The following EBF3 variants were observed in gnomAD, a reference collection of about 807,000 sequenced individuals.
The protein encoded by EBF3 is transcription factor COE3.
In EBF3, 18 loss-of-function variants were observed where a neutral mutation model predicts 77.1. The ratio of observed to expected loss-of-function variants is 0.23; its 90% confidence interval spans 0.16 to 0.35. The LOEUF is 0.35. EBF3 is among the 10% of genes least tolerant of loss of function. EBF3 has a pLI of 1.00. For missense variants in EBF3, 558 were observed against 860.0 expected, an observed-to-expected ratio of 0.65 and a Z score of 4.39; for synonymous variants, 350 against 343.5, an observed-to-expected ratio of 1.02 and a Z score of -0.21.
chr10:129,840,196 A>G, intron 15 of EBF3, 49 bp downstream of exon 15: 1 of 943,200 alleles, frequency 1.1e-6, no homozygotes, highest in Non-Finnish European at 1.6e-6. Flanking sequence ...TCCCATCCCC[A>G]CCCCTGGAGA....
intron 10 of EBF3, among the ~76,000 whole-genome samples, chr10:129,856,826 A>G (rs1301075535): frequency 6.6e-6 from 1 of 152,254 alleles, no homozygotes; most frequent in East Asian, 1.9e-4. Context: ...GAATTCTGTA[A>G]TATGTGAATT....
chr10:129,844,954 G>A (rs1053781490), intron 11 of EBF3, among the ~76,000 whole-genome samples: 3 of 152,106 alleles, frequency 2.0e-5, no homozygotes, highest in Non-Finnish European at 4.4e-5. Flanking sequence ...TTTAAGCAAC[G>A]ATTAAAGCAA....
intron 6 of EBF3, among the ~76,000 whole-genome samples, chr10:129,922,706 C>A (rs1055365718): frequency 1.3e-5 from 2 of 152,248 alleles, no homozygotes; most frequent in African/African-American, 4.8e-5. Flanking sequence ...CAAACGAACC[C>A]CTGCGTCACG....
Position 129,917,670 on chromosome 10 carries a change from A to AAACAAAAAC in EBF3, c.554+39587_554+39588insGTTTTTGTT, listed in dbSNP as rs1458259304. Among the ~76,000 whole-genome samples, 5 of 149,908 alleles carry AAACAAAAAC rather than the reference A, an allele frequency of 3.3e-5. 1 individual carries two copies. The highest frequency in any genetic ancestry group is 1.2e-4 in the African/African-American group (5 of 40,914). On this transcript the variant is annotated intron_variant, in intron 6 of 16. Transcript: ENST00000440978. ...CTGCCTCAAAAAAAAAAAAAAAAAA[A>AAACAAAAAC]AAAAAAAAACTAAAACCAAGCTGAG... is the stretch of plus-strand genomic sequence containing the variant.
chr10:129,914,394 A>C (rs954781460), intron 6 of EBF3, among the ~76,000 whole-genome samples: 1 of 152,166 alleles, frequency 6.6e-6, no homozygotes, highest in Non-Finnish European at 1.5e-5. Context: ...AAGGTGGGGC[A>C]CAGGCTGGTT....
intron 6 of EBF3, among the ~76,000 whole-genome samples, chr10:129,894,432 A>C (rs1019299261): frequency 1.3e-5 from 2 of 152,132 alleles, no homozygotes; most frequent in African/African-American, 4.8e-5. Context: ...TGTACCCATC[A>C]CCCAGGACCT....
chr10:129,910,771 C>A (rs1457285912), intron 6 of EBF3, among the ~76,000 whole-genome samples: 4 of 152,088 alleles, frequency 2.6e-5, no homozygotes, highest in Non-Finnish European at 5.9e-5. Context: ...TGAGACAGCA[C>A]CCTAAAATCC....
chr10:129,924,430 C>CAAAAAAAAAAAAAAACAAA (rs1856516612), intron 6 of EBF3, among the ~76,000 whole-genome samples: 1 of 108,452 alleles, frequency 9.2e-6, no homozygotes. Flanking sequence ...ACAACAACAA[C>CAAAAAAAAAAAAAAACAAA]AAAAAAAAAA....
intron 6 of EBF3, among the ~76,000 whole-genome samples, chr10:129,883,126 AATC>A (rs1297280009): frequency 6.6e-6 from 1 of 152,172 alleles, no homozygotes; most frequent in Non-Finnish European, 1.5e-5. Context: ...TTTTTTCTTT[AATC>A]ATCAAGTTTC....
intron 10 of EBF3, among the ~76,000 whole-genome samples, chr10:129,856,283 A>G (rs887283233): frequency 6.6e-6 from 1 of 152,228 alleles, no homozygotes; most frequent in African/African-American, 2.4e-5. Context: ...TCACAAAAAA[A>G]AAATGTATTC....
chr10:129,873,330 G>A lies in EBF3; in HGVS notation c.781+122C>T, dbSNP rs560566753. The A allele has an allele frequency of 6.7e-6, 8 of 1,194,854 alleles. No homozygotes were observed. The South Asian group carries it at 2.2e-4, about 33-fold the overall frequency. 74.0% of individuals were successfully genotyped at this position (1,194,854 alleles called of 1,614,324 possible). ...GGGGACACCCCCTCATCCTGCCTTGGTGCAGGAGGTCTGACCAAGGGCGGG... is the reference window on the plus strand; with the variant it reads ...GGGGACACCCCCTCATCCTGCCTTGATGCAGGAGGTCTGACCAAGGGCGGG... On this transcript the variant is annotated intron_variant, in intron 8 of 16. Transcript: ENST00000440978.
At position 129,879,488 on chromosome 10, in the gene EBF3, C is replaced by T. The variant is rs753614661; in HGVS notation, c.555-1639G>A. Reference sequence around the variant, plus strand: ...ACCAAGACTCATCTAAGTGCCCCCCCAGCATATCCTGGATGACTTCTTACT... The same window carrying T: ...ACCAAGACTCATCTAAGTGCCCCCCTAGCATATCCTGGATGACTTCTTACT... On this transcript the variant is annotated intron_variant, in intron 6 of 16. Coordinates refer to ENST00000440978, the MANE Select transcript of EBF3 (RefSeq NM_001375380.1). The surrounding 1 kb of genome is among the most constrained non-coding windows in gnomAD (Gnocchi z 4.7). Among the ~76,000 whole-genome samples the T allele has an allele frequency of 2.0e-5, 3 of 152,184 alleles. No individual in the cohort carries two copies. The highest frequency in any genetic ancestry group is 2.9e-5 in the Non-Finnish European group (2 of 68,028).
chr10:129,840,792 C>A lies in EBF3; in HGVS notation c.1561+52G>T, dbSNP rs941432311. The A allele has an allele frequency of 1.9e-5, 30 of 1,574,396 alleles. No homozygotes were observed. The Admixed American group carries it at 4.1e-4, about 22-fold the overall frequency. ...ATCCAAGCAATGCACACACTCGACTCGGTAGTGAATATGAATCTGCGTGAT... is the reference window on the plus strand; with the variant it reads ...ATCCAAGCAATGCACACACTCGACTAGGTAGTGAATATGAATCTGCGTGAT... On this transcript the variant is annotated intron_variant, in intron 14 of 16. Coordinates refer to ENST00000440978, the MANE Select transcript of EBF3 (RefSeq NM_001375380.1).
chr10:129,932,824 C>CT (rs1265617655), intron 6 of EBF3, among the ~76,000 whole-genome samples: 1 of 152,134 alleles, frequency 6.6e-6, no homozygotes, highest in East Asian at 1.9e-4. Flanking sequence ...TTAAAACCAG[C>CT]CGTCATCCTC....
intron 6 of EBF3, among the ~76,000 whole-genome samples, chr10:129,916,294 C>A (rs1855882791): frequency 6.6e-6 from 1 of 152,212 alleles, no homozygotes; most frequent in African/African-American, 2.4e-5. Context: ...CCTGGACAAG[C>A]CACGGTTCCT....
chr10:129,921,840 G>A (rs748655152), intron 6 of EBF3, among the ~76,000 whole-genome samples: 42 of 152,238 alleles, frequency 2.8e-4, no homozygotes, highest in African/African-American at 7.7e-4. Context: ...CACGAAGGCC[G>A]CCCTGTCCTC....
intron 6 of EBF3, among the ~76,000 whole-genome samples, chr10:129,903,310 G>A (rs1451817911): frequency 6.6e-6 from 1 of 152,196 alleles, no homozygotes; most frequent in Non-Finnish European, 1.5e-5. Flanking sequence ...AGAGATGTTT[G>A]GAAGGCCCTT....
chr10:129,956,366 T>A (rs1275300822), intron 6 of EBF3, among the ~76,000 whole-genome samples: 2 of 152,230 alleles, frequency 1.3e-5, no homozygotes, highest in Non-Finnish European at 2.9e-5. Context: ...TTTATTCAAT[T>A]TGGGTACCAA....
intron 6 of EBF3, among the ~76,000 whole-genome samples, chr10:129,909,111 AC>A (rs1309097042): frequency 6.6e-6 from 1 of 151,874 alleles, no homozygotes; most frequent in Non-Finnish European, 1.5e-5. Flanking sequence ...GACTGGGATT[AC>A]TCTTCCCAGA....
Sources: gnomAD v4.1 joint callset for allele counts (sites outside exome capture counted in the v4.1 genomes callset) on GRCh38, gnomAD v4.1.1 for gene constraint, Gnocchi (gnomAD v3.1) non-coding constraint, MANE v1.5 for transcripts, NCBI Gene and HGNC (gene_info 2026-07-23, HGNC 2026-07-21) for gene names.